Variants in ARHGAP15 observed in about 807,000 individuals in gnomAD.
ARHGAP15 encodes the protein Rho GTPase activating protein 15.
In ARHGAP15, 51 loss-of-function variants were observed where a neutral mutation model predicts 63.7. That is an observed-to-expected ratio of 0.80 (90% CI 0.64 to 1.01). ARHGAP15 has a LOEUF of 1.01. Among genes scored for constraint, ARHGAP15 ranks in the 50% least tolerant of loss-of-function variants. The pLI, the probability that ARHGAP15 is intolerant of heterozygous loss-of-function variation, is 0.00. For missense variants in ARHGAP15, 560 were observed against 564.6 expected (o/e 0.99, Z 0.08); for synonymous variants, 191 against 193.8 (o/e 0.99, Z 0.12).
chr2:143,635,712 C>T (rs1362430792), intron 12 of ARHGAP15, among the ~76,000 whole-genome samples: 1 of 152,030 alleles, frequency 6.6e-6, no homozygotes, highest in Non-Finnish European at 1.5e-5. Context: ...AGGATAGGCT[C>T]ATACATTTTC....
rs1035519279 is a variant in ARHGAP15, at chr2:143,686,179, C to G, written c.1139-17240C>G. On this transcript the variant is annotated intron_variant, in intron 12 of 13. Coordinates refer to ENST00000295095, the MANE Select transcript of ARHGAP15 (RefSeq NM_018460.4). ...ATCCCAGCATTTTGGGAGGCCGAGG[C>G]AGGCAGATCACGAGGTCAGGAGTTT... Among the ~76,000 whole-genome samples the G allele has an allele frequency of 7.2e-5, 11 of 151,848 alleles. No individual in the cohort carries two copies. The South Asian group carries it at 1.5e-3, about 20-fold the overall frequency.
chr2:143,540,878 A>T (rs1223524792), intron 10 of ARHGAP15, among the ~76,000 whole-genome samples: 6 of 152,008 alleles, frequency 3.9e-5, no homozygotes, highest in Non-Finnish European at 8.8e-5. Flanking sequence ...TCCCAAGGAG[A>T]ATCTTTGTGG....
intron 12 of ARHGAP15, among the ~76,000 whole-genome samples, chr2:143,664,088 C>A (rs1239278605): frequency 2.8e-4 from 42 of 152,122 alleles, no homozygotes; most frequent in South Asian, 1.9e-3. Context: ...GAACTCTCCA[C>A]CCCAAATCAA....
In ARHGAP15 at chr2:143,434,183, A is replaced by G. The variant is rs536247543; in HGVS notation, c.475-1418A>G. 1.8e-4 allele frequency among the ~76,000 whole-genome samples: 27 copies of G among 152,236 alleles called. No homozygotes were observed. In the South Asian group the frequency reaches 5.4e-3, roughly 30 times the overall value. ...TGGCCTCAGTAATCTGTCAAATTCTAGTGTGGGCAATTAAATCTTTTTATT... is the reference window on the plus strand; with the variant it reads ...TGGCCTCAGTAATCTGTCAAATTCTGGTGTGGGCAATTAAATCTTTTTATT... On this transcript the variant is annotated intron_variant, in intron 6 of 13. Transcript: ENST00000295095.
At chr2:143,282,516 C>T (rs1293384391) in intron 6 of ARHGAP15, among the ~76,000 whole-genome samples, 1 of 152,068 alleles carries the variant, frequency 6.6e-6, no homozygotes, top group East Asian at 1.9e-4. Context: ...ACCATCAGGT[C>T]TCATGAGACA....
chr2:143,494,907 T>C (rs1363343691), intron 9 of ARHGAP15, among the ~76,000 whole-genome samples: 1 of 152,208 alleles, frequency 6.6e-6, no homozygotes. Flanking sequence ...ATTTTTCAGC[T>C]CCATTTTACA....
chr2:143,710,958 A>G (rs1210191061), intron 13 of ARHGAP15, among the ~76,000 whole-genome samples: 1 of 152,228 alleles, frequency 6.6e-6, no homozygotes, highest in African/African-American at 2.4e-5. Flanking sequence ...TCCTTCAGGA[A>G]GTCTCAAATG....
At chr2:143,263,567 G>A (rs1680843231) in intron 6 of ARHGAP15, among the ~76,000 whole-genome samples, 1 of 152,176 alleles carries the variant, frequency 6.6e-6, no homozygotes, top group Non-Finnish European at 1.5e-5. Flanking sequence ...TGTGCATGTT[G>A]TAAGTGACTA....
At chr2:143,552,058 G>A (rs1403584165) in intron 10 of ARHGAP15, among the ~76,000 whole-genome samples, 2 of 152,182 alleles carry the variant, frequency 1.3e-5, no homozygotes, top group Non-Finnish European at 2.9e-5. Context: ...ATTTTCGCCG[G>A]AGGGAGAAGC....
chr2:143,136,347 TA>T (rs778720594), intron 1 of ARHGAP15, among the ~76,000 whole-genome samples: 5 of 152,032 alleles, frequency 3.3e-5, no homozygotes, highest in Non-Finnish European at 5.9e-5. Context: ...TGGTTGTCAA[TA>T]CAATGACTTT....
chr2:143,403,721 C>T (rs1359622326), intron 6 of ARHGAP15, among the ~76,000 whole-genome samples: 2 of 151,682 alleles, frequency 1.3e-5, no homozygotes, highest in Admixed American at 6.6e-5. Flanking sequence ...CATGTGTATA[C>T]GTGTATTTTT....
intron 8 of ARHGAP15, among the ~76,000 whole-genome samples, chr2:143,469,454 G>A (rs999839596): frequency 2.0e-5 from 3 of 152,082 alleles, no homozygotes; most frequent in Admixed American, 6.5e-5. Flanking sequence ...TGAGCCTATC[G>A]CTGAGTCAGG....
intron 2 of ARHGAP15, among the ~76,000 whole-genome samples, chr2:143,180,110 CTCTT>C (rs1306507345): frequency 6.6e-6 from 1 of 152,122 alleles, no homozygotes; most frequent in Non-Finnish European, 1.5e-5. Context: ...CATTGGTTGC[CTCTT>C]TCTTTTGTGA....
In ARHGAP15 at chr2:143,259,022, T is replaced by C. The variant is rs532503227; in HGVS notation, c.474+8422T>C. ...CTTAGAAAGACCTTGATTGTGGTCT[T>C]TTTTTTTTTCTTGAAGTTGAATTTT... On this transcript the variant is annotated intron_variant, in intron 6 of 13. Transcript: ENST00000295095. 2.2e-4 allele frequency among the ~76,000 whole-genome samples: 20 copies of C among 91,448 alleles called. No individual in the cohort carries two copies. In the East Asian group the frequency reaches 5.3e-3, roughly 24 times the overall value. The allele number at this position is 91,448 out of a possible 152,430, so 60.0% of individuals were successfully genotyped here.
chr2:143,594,349 T>C (rs1266475622), intron 11 of ARHGAP15, among the ~76,000 whole-genome samples: 1 of 152,210 alleles, frequency 6.6e-6, no homozygotes, highest in Non-Finnish European at 1.5e-5. Flanking sequence ...TACAGCATCA[T>C]TTGTCAACAA....
intron 2 of ARHGAP15, among the ~76,000 whole-genome samples, chr2:143,179,501 C>G (rs1691140221): frequency 6.6e-6 from 1 of 152,086 alleles, no homozygotes; most frequent in Admixed American, 6.6e-5. Context: ...TGCAATAAAG[C>G]AAGTCATACA....
At chr2:143,215,012 C>G (rs1692694163) in intron 3 of ARHGAP15, among the ~76,000 whole-genome samples, 1 of 152,176 alleles carries the variant, frequency 6.6e-6, no homozygotes, top group South Asian at 2.1e-4. Flanking sequence ...ATTATTTTGA[C>G]TATTGGCACT....
rs1175995548 is a variant in ARHGAP15 at position 143,153,777 on chromosome 2, A to ATCTTCTTCT, written c.-14-1640_-14-1632dup. 1.0e-3 allele frequency among the ~76,000 whole-genome samples: 86 copies of ATCTTCTTCT among 85,244 alleles called. 1 individual carries two copies. Among genetic ancestry groups the ATCTTCTTCT allele is most frequent in the African/African-American group, 3.4e-3 (78 of 23,174 alleles). The allele number at this position is 85,244 out of a possible 152,430, so 55.9% of individuals were successfully genotyped here. ...TTATATAAATGAAATTATATAATAA[A>ATCTTCTTCT]TCTTCTTCTTCTTCTTCTTCTTCTT... On this transcript the variant is annotated intron_variant, in intron 1 of 13. Coordinates refer to ENST00000295095, the MANE Select transcript of ARHGAP15 (RefSeq NM_018460.4).
At chr2:143,214,843 G>T (rs1215220988) in intron 3 of ARHGAP15, among the ~76,000 whole-genome samples, 2 of 152,134 alleles carry the variant, frequency 1.3e-5, no homozygotes, top group African/African-American at 4.8e-5. Context: ...CATTTAACCA[G>T]TGAGATTTTA....
Sources: allele counts gnomAD v4.1 joint callset (sites outside exome capture counted in the v4.1 genomes callset), GRCh38; gene constraint gnomAD v4.1.1; transcripts MANE v1.5; gene names NCBI Gene and HGNC (gene_info 2026-07-23, HGNC 2026-07-21).